Variants in WWOX observed in about 807,000 individuals in gnomAD.
WWOX encodes WW domain containing oxidoreductase, also known as WW domain-containing oxidoreductase.
A neutral mutation model predicts 46.2 loss-of-function variants in WWOX; 69 were observed. The observed-to-expected ratio is 1.49, with a 90% CI of 1.23 to 1.82. The LOEUF is 1.82. Ranked by LOEUF, WWOX falls within the 40% of genes most tolerant of loss-of-function variation. The pLI is 0.00. For synonymous variants in WWOX, 359 were observed against 202.6 expected, an observed-to-expected ratio of 1.77 and a Z score of -6.56; for missense variants, 919 against 542.6, an observed-to-expected ratio of 1.69 and a Z score of -6.89.
In WWOX at chr16:78,916,806, A is replaced by C. The variant is rs371583003; in HGVS notation, c.1057-294802A>C. Among the ~76,000 whole-genome samples the C allele has an allele frequency of 5.3e-5, 8 of 152,314 alleles. No individual in the cohort carries two copies. The South Asian group carries it at 1.0e-3, about 20-fold the overall frequency. On this transcript the variant is annotated intron_variant, in intron 8 of 8. Coordinates refer to ENST00000566780, the MANE Select transcript of WWOX (RefSeq NM_016373.4). ...CCCAGGGTCAGGAAAACTGTTTTCA[A>C]TTTTCTGCTGTATGAAGTTGCCAGT...
chr16:79,016,041 GCCTGGCCTGAT>G (rs1233945546), intron 8 of WWOX: 17 of 152,188 alleles, frequency 1.1e-4, no homozygotes, highest in Non-Finnish European at 2.2e-4. Context: ...AAGTCACCAC[GCCTGGCCTGAT>G]CCTGACTTAG....
intron 6 of WWOX, among the ~76,000 whole-genome samples, chr16:78,391,754 A>G (rs947885822): frequency 6.6e-6 from 1 of 152,200 alleles, no homozygotes; most frequent in Admixed American, 6.5e-5. Context: ...AGGCTGAGGC[A>G]TGAGAATTGC....
rs187714231 is a variant in WWOX at position 78,844,398 on chromosome 16, G to A, written c.1057-367210G>A. On this transcript the variant is annotated intron_variant, in intron 8 of 8. Coordinates refer to ENST00000566780, the MANE Select transcript of WWOX (RefSeq NM_016373.4). ...GGAAATAAATTCTTATTTTCCTGCCGTGTGGTACCAGTGGGTTACGATGAA... is the reference window on the plus strand; with the variant it reads ...GGAAATAAATTCTTATTTTCCTGCCATGTGGTACCAGTGGGTTACGATGAA... 1.5e-3 allele frequency among the ~76,000 whole-genome samples: 234 copies of A among 152,132 alleles called. 3 individuals are homozygous for A. Among genetic ancestry groups the A allele is most frequent in the African/African-American group, 5.3e-3 (222 of 41,498 alleles).
chr16:79,098,665 G>T (rs145550813), intron 8 of WWOX, among the ~76,000 whole-genome samples: 2 of 152,300 alleles, frequency 1.3e-5, no homozygotes, highest in African/African-American at 4.8e-5. Flanking sequence ...AATGTGCAGG[G>T]TGTAGAAGAA....
At chr16:78,816,791 G>C (rs530586371) in intron 8 of WWOX, among the ~76,000 whole-genome samples, 2 of 152,094 alleles carry the variant, frequency 1.3e-5, no homozygotes, top group South Asian at 4.1e-4. Context: ...GGTTTCTTGA[G>C]AAGATCATCT....
At chr16:78,882,525 G>A (rs1279480555) in intron 8 of WWOX, among the ~76,000 whole-genome samples, 4 of 150,560 alleles carry the variant, frequency 2.7e-5, no homozygotes, top group East Asian at 2.0e-4. Flanking sequence ...CACCCAGGCT[G>A]GCGTGCATTG....
chr16:78,681,171 C>T (rs1332441486), intron 8 of WWOX, among the ~76,000 whole-genome samples: 3 of 152,130 alleles, frequency 2.0e-5, no homozygotes, highest in Non-Finnish European at 4.4e-5. Flanking sequence ...ATCACTTGAA[C>T]CCGAGAGGCG....
At chr16:78,600,282 A>G (rs1298179651) in intron 8 of WWOX, among the ~76,000 whole-genome samples, 8 of 152,000 alleles carry the variant, frequency 5.3e-5, no homozygotes, top group Non-Finnish European at 2.9e-5. Flanking sequence ...CAGCCAAACC[A>G]TATCACAGGG....
chr16:78,745,504 G>T (rs959713988), intron 8 of WWOX, among the ~76,000 whole-genome samples: 1 of 148,598 alleles, frequency 6.7e-6, no homozygotes, highest in South Asian at 2.2e-4. Flanking sequence ...ACTCCATAGA[G>T]AGGGGTTTGT....
chr16:79,181,559 T>A (rs1172838871), intron 8 of WWOX, among the ~76,000 whole-genome samples: 2 of 148,346 alleles, frequency 1.3e-5, no homozygotes, highest in African/African-American at 4.9e-5. Context: ...TTGGTAGGGG[T>A]TTTTTTTTTA....
intron 8 of WWOX, among the ~76,000 whole-genome samples, chr16:79,140,980 A>C (rs945087229): frequency 6.6e-6 from 1 of 152,184 alleles, no homozygotes; most frequent in African/African-American, 2.4e-5. Context: ...AATTAAAGGA[A>C]GAATATAGGC....
At chr16:78,634,429 C>T (rs1419902362) in intron 8 of WWOX, among the ~76,000 whole-genome samples, 2 of 152,058 alleles carry the variant, frequency 1.3e-5, no homozygotes, top group Non-Finnish European at 2.9e-5. Flanking sequence ...TAGGGACAGC[C>T]GGGCGCAGTG....
In WWOX at chr16:78,146,429, CAA is replaced by C. The variant is rs36019075; in HGVS notation, c.410-17750_410-17749del. Among the ~76,000 whole-genome samples, 14 of 152,212 alleles carry C rather than the reference CAA, an allele frequency of 9.2e-5. No individual in the cohort carries two copies. The East Asian group carries it at 2.5e-3, about 27-fold the overall frequency. Reference sequence around the variant, plus strand: ...CAGCAGCGGGGTGAGGGGAATGAAACAAAAATTTATAGCTGTCGAGTCTCCAG... The same window carrying C: ...CAGCAGCGGGGTGAGGGGAATGAAACAAATTTATAGCTGTCGAGTCTCCAG... On this transcript the variant is annotated intron_variant, in intron 4 of 8. Transcript: ENST00000566780.
intron 5 of WWOX, among the ~76,000 whole-genome samples, chr16:78,341,342 G>C (rs2081010444): frequency 8.3e-6 from 1 of 120,440 alleles, no homozygotes; most frequent in African/African-American, 2.8e-5. Flanking sequence ...TCTTTGATTT[G>C]TATTGTCATG....
chr16:79,001,247 C>G (rs370765181), intron 8 of WWOX, among the ~76,000 whole-genome samples: 38 of 152,236 alleles, frequency 2.5e-4, no homozygotes, highest in African/African-American at 8.9e-4. Context: ...GCAGCTTTGC[C>G]TCCTCTCCCA....
chr16:78,779,456 G>A (rs2050272245), intron 8 of WWOX, among the ~76,000 whole-genome samples: 1 of 152,130 alleles, frequency 6.6e-6, no homozygotes, highest in Non-Finnish European at 1.5e-5. Context: ...CTTTTTTAAA[G>A]TGGGGTATTA....
intron 5 of WWOX, among the ~76,000 whole-genome samples, chr16:78,171,422 A>G (rs930653240): frequency 3.9e-5 from 6 of 151,980 alleles, no homozygotes; most frequent in Non-Finnish European, 8.8e-5. Flanking sequence ...AAGTCCCATG[A>G]TTTGCCTTTG....
At chr16:79,047,271 C>G (rs2048082914) in intron 8 of WWOX, among the ~76,000 whole-genome samples, 2 of 152,152 alleles carry the variant, frequency 1.3e-5, no homozygotes, top group African/African-American at 2.4e-5. Flanking sequence ...GCCACAAATA[C>G]TTGTGTGAGA....
chr16:78,186,226 CTGTT>C (rs1181434435), intron 5 of WWOX, among the ~76,000 whole-genome samples: 1 of 149,924 alleles, frequency 6.7e-6, no homozygotes, highest in African/African-American at 2.5e-5. Context: ...TTCATTTAAT[CTGTT>C]TCTTTTTACC....
Sources: allele counts gnomAD v4.1 joint callset (sites outside exome capture counted in the v4.1 genomes callset), GRCh38; gene constraint gnomAD v4.1.1; transcripts MANE v1.5; gene names NCBI Gene and HGNC (gene_info 2026-07-23, HGNC 2026-07-21).